The following VGLL4 variants were observed in gnomAD, a reference collection of about 807,000 sequenced individuals.
VGLL4 encodes transcription cofactor vestigial-like protein 4.
In VGLL4, 7 loss-of-function variants were observed where a neutral mutation model predicts 21.0. The ratio of observed to expected loss-of-function variants is 0.33; its 90% confidence interval spans 0.19 to 0.63. VGLL4 has a LOEUF of 0.63. VGLL4 is among the 20% of genes least tolerant of loss of function. The pLI, the probability that VGLL4 is intolerant of heterozygous loss-of-function variation, is 0.78. For missense variants in VGLL4, 394 were observed against 425.7 expected, an observed-to-expected ratio of 0.93 and a Z score of 0.66; for synonymous variants, 222 against 173.2, an observed-to-expected ratio of 1.28 and a Z score of -2.21.
intron 3 of VGLL4, 68 bp downstream of exon 3, chr3:11,564,729 G>A: frequency 6.8e-7 from 1 of 1,473,004 alleles, no homozygotes; most frequent in Non-Finnish European, 9.0e-7. Flanking sequence ...CTCTGCTCGG[G>A]GCTCTCCATC....
At chr3:11,713,568 TTA>T (rs10690353) in intron 1 of VGLL4, among the ~76,000 whole-genome samples, 55,955 of 140,148 alleles carry the variant, frequency 0.4, 12,365 homozygotes, top group Non-Finnish European at 0.51. Flanking sequence ...TATATATTAT[TTA>T]TATATATATA....
chr3:11,588,463 C>T (rs1575421250), intron 2 of VGLL4, among the ~76,000 whole-genome samples: 1 of 152,206 alleles, frequency 6.6e-6, no homozygotes, highest in African/African-American at 2.4e-5. Flanking sequence ...CAGGCAGACG[C>T]CCATGGAGAT....
Position 11,643,702 on chromosome 3 carries a change from G to A in VGLL4, c.-184C>T. The A allele has an allele frequency of 7.0e-7, 1 of 1,423,568 alleles. No homozygotes were observed. The highest frequency in any genetic ancestry group is 9.1e-7 in the Non-Finnish European group (1 of 1,095,120). 88.2% of individuals were successfully genotyped at this position (1,423,568 alleles called of 1,614,324 possible). A position where few individuals can be genotyped will look rare whatever the true frequency, so the allele number is the denominator to read the frequency against. ...AAAAAATCAGGCACAAAAAAATCGA[G>A]CTCACACGAAACCCTTCAAGGGCTT... On this transcript the variant is annotated 5_prime_UTR_variant, in exon 1 of 5. Coordinates refer to ENST00000430365, the MANE Select transcript of VGLL4 (RefSeq NM_001128219.3).
chr3:11,691,091 A>C (rs1406290098), intron 2 of VGLL4, among the ~76,000 whole-genome samples: 1 of 152,002 alleles, frequency 6.6e-6, no homozygotes, highest in African/African-American at 2.4e-5. Context: ...CCACTTTTTC[A>C]GCTCTTACAG....
intron 3 of VGLL4, among the ~76,000 whole-genome samples, chr3:11,562,624 C>T (rs978853190): frequency 2.0e-5 from 3 of 152,238 alleles, no homozygotes; most frequent in Non-Finnish European, 4.4e-5. Context: ...GAGCCCAGCT[C>T]GGATTGGTGT....
intron 2 of VGLL4, among the ~76,000 whole-genome samples, chr3:11,676,920 T>C (rs950374912): frequency 2.6e-5 from 4 of 152,200 alleles, no homozygotes; most frequent in African/African-American, 9.6e-5. Context: ...ATTTAATCTA[T>C]TCATTAAATT....
chr3:11,563,159 C>T (rs116751004), intron 3 of VGLL4, among the ~76,000 whole-genome samples: 1,771 of 150,486 alleles, frequency 0.012, 30 homozygotes, highest in African/African-American at 0.04. Context: ...GCAGAGATAG[C>T]TTGTAAGGCT....
intron 2 of VGLL4, chr3:11,582,476 A>G: frequency 9.1e-7 from 1 of 1,097,372 alleles, no homozygotes; most frequent in Non-Finnish European, 1.3e-6. Context: ...ACTGCAATAA[A>G]AGTTTCCTAT....
chr3:11,558,437 T>C lies in VGLL4; in HGVS notation c.*119A>G, dbSNP rs1367275695. 5 of 1,402,506 alleles carry C rather than the reference T, an allele frequency of 3.6e-6. No individual in the cohort carries two copies. Among genetic ancestry groups the C allele is most frequent in the Non-Finnish European group, 4.7e-6 (5 of 1,064,320 alleles). The allele number at this position is 1,402,506 out of a possible 1,614,324, so 86.9% of individuals were successfully genotyped here. A position where few individuals can be genotyped will look rare whatever the true frequency, so the allele number is the denominator to read the frequency against. ...ATCCCAACAACATGGTTTTTGCAAATAAACCATCCCTTCCCTTCCCCCCAC... is the reference window on the plus strand; with the variant it reads ...ATCCCAACAACATGGTTTTTGCAAACAAACCATCCCTTCCCTTCCCCCCAC... On this transcript the variant is annotated 3_prime_UTR_variant, in exon 5 of 5. Coordinates refer to ENST00000430365, the MANE Select transcript of VGLL4 (RefSeq NM_001128219.3).
At chr3:11,717,490 A>AT (rs60921966) in intron 1 of VGLL4, among the ~76,000 whole-genome samples, 17,448 of 72,556 alleles carry the variant, frequency 0.24, 2,669 homozygotes, top group East Asian at 0.48. Context: ...CCCACTACAG[A>AT]TTTTTTTTTT....
intron 1 of VGLL4, among the ~76,000 whole-genome samples, chr3:11,637,217 T>C (rs917249399): frequency 3.3e-5 from 5 of 152,244 alleles, no homozygotes. Flanking sequence ...GACCTGGCCA[T>C]AGTCACCGGG....
chr3:11,558,429 T>C lies in VGLL4; in HGVS notation c.*127A>G. 1 of 1,393,926 alleles carries C rather than the reference T, an allele frequency of 7.2e-7. No individual in the cohort carries two copies. The highest frequency in any genetic ancestry group is 1.4e-5 in the African/African-American group (1 of 68,966). 86.3% of individuals were successfully genotyped at this position (1,393,926 alleles called of 1,614,324 possible). ...GAACACAAATCCCAACAACATGGTT[T>C]TTGCAAATAAACCATCCCTTCCCTT... is the stretch of plus-strand genomic sequence containing the variant. On this transcript the variant is annotated 3_prime_UTR_variant, in exon 5 of 5. Transcript: ENST00000430365.
intron 1 of VGLL4, among the ~76,000 whole-genome samples, chr3:11,705,541 C>T (rs543084239): frequency 6.6e-6 from 1 of 152,300 alleles, no homozygotes; most frequent in South Asian, 2.1e-4. Flanking sequence ...ACAGAAAAGA[C>T]CATCTCCTAA....
chr3:11,681,242 T>G (rs9847986), intron 2 of VGLL4, among the ~76,000 whole-genome samples: 1 of 151,480 alleles, frequency 6.6e-6, no homozygotes, highest in Non-Finnish European at 1.5e-5. Flanking sequence ...GGACTACAGG[T>G]GCCCGCCACC....
intron 2 of VGLL4, among the ~76,000 whole-genome samples, chr3:11,585,714 T>G (rs984046524): frequency 6.6e-6 from 1 of 152,228 alleles, no homozygotes; most frequent in African/African-American, 2.4e-5. Context: ...TGATTTATCT[T>G]AGAGCAGGCA....
chr3:11,641,966 T>C (rs2075696798), intron 1 of VGLL4, among the ~76,000 whole-genome samples: 1 of 151,190 alleles, frequency 6.6e-6, no homozygotes, highest in South Asian at 2.1e-4. Context: ...GCAAAGACAA[T>C]ACAACAGAAA....
chr3:11,674,379 A>G (rs2076260797), intron 2 of VGLL4, among the ~76,000 whole-genome samples: 1 of 152,178 alleles, frequency 6.6e-6, no homozygotes, highest in Non-Finnish European at 1.5e-5. Flanking sequence ...GCGGCTAGAG[A>G]GCCAAGACAC....
At chr3:11,620,295 A>G (rs896510388) in intron 1 of VGLL4, among the ~76,000 whole-genome samples, 1 of 152,036 alleles carries the variant, frequency 6.6e-6, no homozygotes, top group African/African-American at 2.4e-5. Flanking sequence ...CTCCTATACC[A>G]CTCGGAGAGG....
chr3:11,619,472 G>A (rs1292465207), intron 1 of VGLL4, among the ~76,000 whole-genome samples: 2 of 152,192 alleles, frequency 1.3e-5, no homozygotes, highest in African/African-American at 4.8e-5. Flanking sequence ...AGAATTACAT[G>A]TTAACAGTTT....
Sources: allele counts gnomAD v4.1 joint callset (sites outside exome capture counted in the v4.1 genomes callset), GRCh38; gene constraint gnomAD v4.1.1; transcripts MANE v1.5; gene names NCBI Gene and HGNC (gene_info 2026-07-23, HGNC 2026-07-21).